THSD7A: variants seen among roughly 807,000 people sequenced by gnomAD.
THSD7A encodes thrombospondin type 1 domain containing 7A.
A neutral mutation model predicts 231.3 loss-of-function variants in THSD7A; 96 were observed. That is an observed-to-expected ratio of 0.41 (90% confidence interval 0.35 to 0.49). The LOEUF (loss-of-function observed/expected upper bound fraction) is 0.49, where lower values mean the gene tolerates loss of function less well. THSD7A is among the 20% of genes least tolerant of loss of function. THSD7A has a pLI of 0.05. For synonymous variants in THSD7A, 940 were observed against 743.3 expected (o/e 1.26, Z -4.30); for missense variants, 2,290 against 2,070.2 (o/e 1.11, Z -2.06).
intron 4 of THSD7A, among the ~76,000 whole-genome samples, chr7:11,570,832 T>C (rs959079279): frequency 6.6e-6 from 1 of 152,202 alleles, no homozygotes; most frequent in African/African-American, 2.4e-5. Flanking sequence ...TATTTTCCCC[T>C]TGATGGGGGA....
intron 1 of THSD7A, among the ~76,000 whole-genome samples, chr7:11,678,225 G>C (rs538775132): frequency 3.7e-4 from 57 of 152,260 alleles, no homozygotes; most frequent in Middle Eastern, 3.4e-3. Context: ...AGCACTAAAT[G>C]CCCATAGGAG....
chr7:11,612,718 G>A lies in THSD7A; in HGVS notation c.1023-19216C>T, dbSNP rs537570861. Among the ~76,000 whole-genome samples the A allele has an allele frequency of 3.9e-5, 6 of 152,222 alleles. 1 individual carries two copies. Among genetic ancestry groups the A allele is most frequent in the African/African-American group, 1.4e-4 (6 of 41,530 alleles). ...CGTAATTTATATTCTGATAAGCAGT[G>A]TATGAGTCTCATTTCATCATATCCT... On this transcript the variant is annotated intron_variant, in intron 2 of 27. Transcript: ENST00000423059.
At chr7:11,520,936 T>C (rs1788235282) in intron 6 of THSD7A, among the ~76,000 whole-genome samples, 1 of 152,150 alleles carries the variant, frequency 6.6e-6, no homozygotes. Context: ...GGGATCAATA[T>C]GCAGACCACC....
chr7:11,460,122 C>T (rs1192723893), intron 11 of THSD7A, among the ~76,000 whole-genome samples: 1 of 151,846 alleles, frequency 6.6e-6, no homozygotes, highest in Non-Finnish European at 1.5e-5. Flanking sequence ...TTTAGTGGTG[C>T]AGATTGTAAT....
chr7:11,409,274 T>C (rs1009725142), intron 19 of THSD7A, among the ~76,000 whole-genome samples: 1 of 152,178 alleles, frequency 6.6e-6, no homozygotes, highest in Non-Finnish European at 1.5e-5. Flanking sequence ...AACAATGCCA[T>C]CTTTCTTTGT....
At chr7:11,737,314 T>A (rs1182074172) in intron 1 of THSD7A, among the ~76,000 whole-genome samples, 1 of 151,670 alleles carries the variant, frequency 6.6e-6, no homozygotes, top group Non-Finnish European at 1.5e-5. Context: ...TGGTGAGGGA[T>A]GAAACTGGTG....
intron 1 of THSD7A, among the ~76,000 whole-genome samples, chr7:11,686,126 C>T (rs529520971): frequency 2.0e-5 from 3 of 151,836 alleles, no homozygotes; most frequent in East Asian, 2.0e-4. Flanking sequence ...AAAGTGGGAG[C>T]TAAACATTGG....
intron 4 of THSD7A, among the ~76,000 whole-genome samples, chr7:11,547,566 A>G (rs1289934208): frequency 6.6e-6 from 1 of 152,226 alleles, no homozygotes; most frequent in Admixed American, 6.5e-5. Context: ...ATCTGTGCAC[A>G]GCACATACTC....
chr7:11,476,650 C>G (rs1219251012), intron 7 of THSD7A, among the ~76,000 whole-genome samples: 1 of 151,774 alleles, frequency 6.6e-6, no homozygotes, highest in Non-Finnish European at 1.5e-5. Context: ...AACCTTGTCT[C>G]TACTAAAATA....
At chr7:11,654,177 C>G (rs372404761) in intron 1 of THSD7A, among the ~76,000 whole-genome samples, 3 of 151,966 alleles carry the variant, frequency 2.0e-5, no homozygotes, top group East Asian at 1.9e-4. Flanking sequence ...CTATACACTT[C>G]CAAGTTTCTT....
intron 1 of THSD7A, among the ~76,000 whole-genome samples, chr7:11,724,340 TG>T (rs1240227870): frequency 6.6e-6 from 1 of 151,932 alleles, no homozygotes; most frequent in Non-Finnish European, 1.5e-5. Flanking sequence ...AGCTCCATTT[TG>T]GCATATGTTG....
At chr7:11,715,328 G>C (rs979096341) in intron 1 of THSD7A, among the ~76,000 whole-genome samples, 1 of 151,332 alleles carries the variant, frequency 6.6e-6, no homozygotes, top group Non-Finnish European at 1.5e-5. Flanking sequence ...ATTCTACAAG[G>C]ATACTCCAAA....
intron 4 of THSD7A, among the ~76,000 whole-genome samples, chr7:11,586,018 C>T (rs1241610250): frequency 6.6e-6 from 1 of 152,116 alleles, no homozygotes; most frequent in Non-Finnish European, 1.5e-5. Flanking sequence ...GTGCTTTTTA[C>T]ATCCCACTGT....
At chr7:11,530,712 C>T (rs1038595421) in intron 6 of THSD7A, among the ~76,000 whole-genome samples, 2 of 152,078 alleles carry the variant, frequency 1.3e-5, no homozygotes, top group Non-Finnish European at 2.9e-5. Flanking sequence ...CAAAAGGAAG[C>T]CAGTAAAAAA....
chr7:11,453,346 T>C (rs1407566012), intron 11 of THSD7A, among the ~76,000 whole-genome samples: 1 of 150,688 alleles, frequency 6.6e-6, no homozygotes, highest in Non-Finnish European at 1.5e-5. Context: ...TTTTAAGGAC[T>C]CTCCTTTTGT....
intron 4 of THSD7A, among the ~76,000 whole-genome samples, chr7:11,580,403 C>G (rs979574542): frequency 6.6e-6 from 1 of 152,124 alleles, no homozygotes; most frequent in Non-Finnish European, 1.5e-5. Flanking sequence ...CAGATCCATA[C>G]AAGTCACCCT....
At chr7:11,511,566 G>A (rs1368568770) in intron 6 of THSD7A, among the ~76,000 whole-genome samples, 7 of 152,088 alleles carry the variant, frequency 4.6e-5, no homozygotes, top group Non-Finnish European at 1.5e-5. Context: ...AAACAGCATG[G>A]TACTGGTACC....
intron 1 of THSD7A, among the ~76,000 whole-genome samples, chr7:11,796,286 T>A (rs1036534201): frequency 6.6e-5 from 10 of 151,364 alleles, no homozygotes; most frequent in Non-Finnish European, 8.9e-5. Context: ...ATTTACTGTT[T>A]TACCTAAAAT....
chr7:11,454,179 T>C (rs948045431), intron 11 of THSD7A, among the ~76,000 whole-genome samples: 1 of 152,004 alleles, frequency 6.6e-6, no homozygotes, highest in African/African-American at 2.4e-5. Flanking sequence ...AAGATGCCTA[T>C]TTCAAAGATC....
Sources: gnomAD v4.1 joint callset for allele counts (sites outside exome capture counted in the v4.1 genomes callset) on GRCh38, gnomAD v4.1.1 for gene constraint, MANE v1.5 for transcripts, NCBI Gene and HGNC (gene_info 2026-07-23, HGNC 2026-07-21) for gene names.